The following CABIN1 variants were observed in gnomAD, a reference collection of about 807,000 sequenced individuals.
The protein encoded by CABIN1 is calcineurin-binding protein cabin-1.
Under a neutral mutation model 227.7 loss-of-function variants are expected in CABIN1, and 133 were observed. The observed-to-expected ratio is 0.58, with a 90% CI of 0.51 to 0.67. The LOEUF is 0.67. CABIN1 is among the 30% of genes least tolerant of loss of function. The pLI, the probability that CABIN1 is intolerant of heterozygous loss-of-function variation, is 0.00. For missense variants in CABIN1, 2,408 were observed against 2,852.5 expected, an observed-to-expected ratio of 0.84 and a Z score of 3.55; for synonymous variants, 1,086 against 1,155.1, an observed-to-expected ratio of 0.94 and a Z score of 1.21.
chr22:24,022,707 G>T (rs1209339337), intron 1 of CABIN1, among the ~76,000 whole-genome samples: 1 of 152,172 alleles, frequency 6.6e-6, no homozygotes, highest in East Asian at 1.9e-4. Context: ...TATCAGCAGT[G>T]TATGATTCTT....
chr22:24,117,351 C>T (rs1233659422), intron 27 of CABIN1, among the ~76,000 whole-genome samples: 1 of 152,162 alleles, frequency 6.6e-6, no homozygotes, highest in Non-Finnish European at 1.5e-5. Context: ...ACAGGTGCCA[C>T]CACACCTGCC....
At chr22:24,164,132 C>T (rs2046313279) in intron 29 of CABIN1, among the ~76,000 whole-genome samples, 1 of 152,220 alleles carries the variant, frequency 6.6e-6, no homozygotes, top group South Asian at 2.1e-4. Flanking sequence ...CCATAGGGGA[C>T]AGGTCCAGCA....
At chr22:24,061,663 G>A (rs113771054) in intron 12 of CABIN1, among the ~76,000 whole-genome samples, 15 of 152,314 alleles carry the variant, frequency 9.8e-5, no homozygotes, top group African/African-American at 2.9e-4. Flanking sequence ...TGCAGTGTCC[G>A]TCCCAGCACT....
intron 28 of CABIN1, among the ~76,000 whole-genome samples, chr22:24,128,127 C>T (rs530662102): frequency 3.7e-4 from 57 of 152,292 alleles, no homozygotes; most frequent in Non-Finnish European, 7.5e-4. Flanking sequence ...CCCCAGGCAA[C>T]TCTCAGGAAT....
chr22:24,133,268 C>G (rs2044182426), intron 28 of CABIN1, among the ~76,000 whole-genome samples: 1 of 152,244 alleles, frequency 6.6e-6, no homozygotes, highest in Non-Finnish European at 1.5e-5. Context: ...TAGAGGCAGG[C>G]TAGCATGGGC....
chr22:24,141,243 A>T (rs980769299), intron 29 of CABIN1, among the ~76,000 whole-genome samples: 1 of 152,184 alleles, frequency 6.6e-6, no homozygotes, highest in African/African-American at 2.4e-5. Flanking sequence ...TGGTGGCCTT[A>T]GCCGTCACAC....
At chr22:24,022,932 A>G (rs1227508591) in intron 1 of CABIN1, among the ~76,000 whole-genome samples, 4 of 152,218 alleles carry the variant, frequency 2.6e-5, no homozygotes, top group African/African-American at 7.2e-5. Flanking sequence ...AAATTTGTAT[A>G]ACATAAAATT....
At position 24,087,693 on chromosome 22, in the gene CABIN1, C is replaced by T. The variant is rs1412469747; in HGVS notation, c.3505C>T (p.Pro1169Ser). The T allele has an allele frequency of 5.0e-6, 8 of 1,613,854 alleles. No individual in the cohort carries two copies. The highest frequency in any genetic ancestry group is 1.3e-5 in the African/African-American group (1 of 74,936). ...ATTGAAGCAGTGGAGAGGCGAGCTG[C>T]CCCCTGAGCTCGTGCAGCAGGTGAG... Reference protein sequence around the residue: ...RQLKQWRGELPPELVQQMEGR... With the variant: ...RQLKQWRGELSPELVQQMEGR... The change falls in exon 23 of 37, where the codon CCC (proline) becomes TCC (serine). Residue 1169 changes from proline (P) to serine (S), a missense_variant. Pro to Ser is a moderately conservative substitution (Grantham distance 74). Around this residue, in one of 3 missense-constraint regions of CABIN1, gnomAD observed 649 missense variants for 910.3 expected, o/e 0.71. Coordinates refer to ENST00000263119, the MANE Select transcript of CABIN1 (RefSeq NM_012295.4).
intron 26 of CABIN1, chr22:24,101,593 A>G (rs775150101): frequency 1.2e-4 from 19 of 152,268 alleles, no homozygotes; most frequent in Admixed American, 7.2e-4. Flanking sequence ...CAACAGAGAG[A>G]GAAGCTTTGT....
At chr22:24,128,917 A>G (rs1465760522) in intron 28 of CABIN1, among the ~76,000 whole-genome samples, 1 of 152,174 alleles carries the variant, frequency 6.6e-6, no homozygotes, top group Non-Finnish European at 1.5e-5. Context: ...GAGCCCCACC[A>G]TCTGTCCCTT....
chr22:24,072,326 TC>T, intron 17 of CABIN1, 27 bp from the exon 18 acceptor site: 1 of 1,613,902 alleles, frequency 6.2e-7, no homozygotes, highest in Non-Finnish European at 8.5e-7. Context: ...CTGTGACACT[TC>T]TGCTGTCTCC....
intron 13 of CABIN1, 123 bp from the exon 14 acceptor site, chr22:24,062,836 G>A: frequency 2.2e-6 from 2 of 923,832 alleles, no homozygotes; most frequent in South Asian, 1.3e-5. Flanking sequence ...GTAGGGCTCT[G>A]AGGGGCTTAG....
rs376625715 is a variant in CABIN1, at chr22:24,176,147, G to A, written c.6077G>A (p.Ser2026Asn). Residue 2026 changes from serine to asparagine, a missense_variant, in exon 35 of 37, where the codon AGC becomes AAC. Ser to Asn is a conservative substitution (Grantham distance 46). This residue lies in a region of CABIN1 where 714 missense variants were observed against 773.8 expected (regional missense o/e 0.92). Coordinates refer to ENST00000263119, the MANE Select transcript of CABIN1 (RefSeq NM_012295.4). ...EELARVAEGTSFPPQEPRHSP... is the reference protein window; with the variant it reads ...EELARVAEGTNFPPQEPRHSP... ...CTGGCGAGAGTGGCAGAGGGCACCA[G>A]CTTCCCGCCTCAGGAGCCACGGCAC... 6 of 1,610,430 alleles carry A rather than the reference G, an allele frequency of 3.7e-6. No individual in the cohort carries two copies. The highest frequency in any genetic ancestry group is 5.1e-6 in the Non-Finnish European group (6 of 1,179,062).
At chr22:24,046,077 A>G (rs959580210) in intron 6 of CABIN1, among the ~76,000 whole-genome samples, 1 of 152,118 alleles carries the variant, frequency 6.6e-6, no homozygotes, top group African/African-American at 2.4e-5. Context: ...TTTGTCACCA[A>G]AGATGAACTT....
At chr22:24,028,992 G>C (rs371170708) in intron 1 of CABIN1, among the ~76,000 whole-genome samples, 6 of 152,254 alleles carry the variant, frequency 3.9e-5, no homozygotes, top group African/African-American at 1.4e-4. Flanking sequence ...CCAAATCAGT[G>C]TAAGATTTTT....
intron 28 of CABIN1, among the ~76,000 whole-genome samples, chr22:24,120,903 A>G (rs1029451434): frequency 3.9e-5 from 6 of 152,232 alleles, no homozygotes; most frequent in Admixed American, 3.9e-4. Flanking sequence ...AACGGGGGGC[A>G]TAGAGGGGTG....
At chr22:24,128,297 G>T (rs2043859946) in intron 28 of CABIN1, among the ~76,000 whole-genome samples, 1 of 148,128 alleles carries the variant, frequency 6.8e-6, no homozygotes, top group South Asian at 2.2e-4. Context: ...CAGGATTCTC[G>T]GGGCGGGGGG....
chr22:24,051,848 C>T (rs1443311541), intron 8 of CABIN1, among the ~76,000 whole-genome samples: 2 of 152,070 alleles, frequency 1.3e-5, no homozygotes, highest in Non-Finnish European at 1.5e-5. Context: ...CACATAGCAC[C>T]CACTCAGGAA....
chr22:24,177,891 TG>T lies in CABIN1; in HGVS notation c.6519+79del. ...TTACAAAGGGGGCCTAGGATGGGGG[TG>T]GGGGTGGCAGGAGGGCCTGGGGTGT... On this transcript the variant is annotated intron_variant, in intron 36 of 36. Coordinates refer to ENST00000263119, the MANE Select transcript of CABIN1 (RefSeq NM_012295.4). This position sits in a 1 kb window ranked among gnomAD's most constrained non-coding sequence, Gnocchi z 4.4. 1.5e-6 allele frequency: 1 copy of T among 669,348 alleles called. No homozygotes were observed. The highest frequency in any genetic ancestry group is 2.2e-6 in the Non-Finnish European group (1 of 460,710). The allele number at this position is 669,348 out of a possible 1,614,324, so 41.5% of individuals were successfully genotyped here.
Sources: allele counts gnomAD v4.1 joint callset (sites outside exome capture counted in the v4.1 genomes callset), GRCh38; gene constraint gnomAD v4.1.1; regional missense constraint gnomAD v4.1.1; non-coding constraint Gnocchi (gnomAD v3.1); transcripts MANE v1.5; gene names NCBI Gene and HGNC (gene_info 2026-07-23, HGNC 2026-07-21).